The following NCOA7 variants were observed in gnomAD, a reference collection of about 807,000 sequenced individuals.
The protein encoded by NCOA7 is 140 kDa estrogen receptor-associated protein.
In NCOA7, 45 loss-of-function variants were observed where a neutral mutation model predicts 104.3. The ratio of observed to expected loss-of-function variants is 0.43; its 90% CI spans 0.34 to 0.55. NCOA7 has a LOEUF of 0.55. NCOA7 is among the 20% of genes least tolerant of loss of function. The pLI is 0.02. For synonymous variants in NCOA7, 398 were observed against 402.3 expected, an observed-to-expected ratio of 0.99 and a Z score of 0.13; for missense variants, 1,041 against 1,119.7, an observed-to-expected ratio of 0.93 and a Z score of 1.00.
chr6:125,911,349 C>T (rs1010961406), intron 10 of NCOA7, among the ~76,000 whole-genome samples: 62 of 152,324 alleles, frequency 4.1e-4, no homozygotes, highest in African/African-American at 1.4e-3. Flanking sequence ...TCAGCTTTTT[C>T]GCAACATGCC....
At chr6:125,919,531 G>C (rs1213846138) in intron 11 of NCOA7, 3 of 1,178,534 alleles carry the variant, frequency 2.5e-6, no homozygotes, top group Non-Finnish European at 3.7e-6. Context: ...AGAAAGGATT[G>C]TGCTGACATT....
chr6:125,838,604 G>A (rs145633992), intron 2 of NCOA7, among the ~76,000 whole-genome samples: 8 of 152,112 alleles, frequency 5.3e-5, no homozygotes, highest in Non-Finnish European at 1.2e-4. Flanking sequence ...CACTAGAGGT[G>A]TTCTCTGGTT....
At chr6:125,838,667 C>T (rs531857717) in intron 2 of NCOA7, among the ~76,000 whole-genome samples, 6 of 152,256 alleles carry the variant, frequency 3.9e-5, no homozygotes, top group Admixed American at 3.9e-4. Flanking sequence ...ACACTAACTT[C>T]TCAGAGTTAG....
At chr6:125,845,197 A>T (rs924759122) in intron 2 of NCOA7, among the ~76,000 whole-genome samples, 1 of 152,186 alleles carries the variant, frequency 6.6e-6, no homozygotes, top group Non-Finnish European at 1.5e-5. Context: ...TGCAATGACA[A>T]GGCTGCAGCC....
At chr6:125,894,404 A>T (rs1258030843) in intron 10 of NCOA7, among the ~76,000 whole-genome samples, 1 of 152,216 alleles carries the variant, frequency 6.6e-6, no homozygotes, top group Non-Finnish European at 1.5e-5. Context: ...TAGAGATTTC[A>T]CTACTGTCCC....
intron 14 of NCOA7, 52 bp from the exon 15 acceptor site, chr6:125,928,122 C>G: frequency 6.8e-7 from 1 of 1,475,790 alleles, no homozygotes; most frequent in Non-Finnish European, 9.4e-7. Flanking sequence ...TTCCTCATTG[C>G]TAATTCTCCA....
chr6:125,789,804 C>A (rs557786917), upstream of NCOA7, among the ~76,000 whole-genome samples: 34 of 152,326 alleles, frequency 2.2e-4, no homozygotes, highest in South Asian at 6.8e-3. Flanking sequence ...CGTCAACAAC[C>A]CAGAGGAGGC....
At chr6:125,827,448 C>T (rs965677958) in intron 2 of NCOA7, among the ~76,000 whole-genome samples, 1 of 152,046 alleles carries the variant, frequency 6.6e-6, no homozygotes, top group African/African-American at 2.4e-5. Context: ...AGAAGAACAT[C>T]AAATCCATAT....
At chr6:125,923,490 C>A (rs1329560285) in intron 13 of NCOA7, among the ~76,000 whole-genome samples, 1 of 152,192 alleles carries the variant, frequency 6.6e-6, no homozygotes, top group African/African-American at 2.4e-5. Flanking sequence ...GGAGTGGAAT[C>A]TGTCCAGGTT....
intron 2 of NCOA7, among the ~76,000 whole-genome samples, chr6:125,831,697 C>A (rs1046620491): frequency 4.6e-5 from 7 of 152,172 alleles, no homozygotes; most frequent in Non-Finnish European, 1.0e-4. Context: ...CCTGTTTTCT[C>A]TCTCTTACAG....
intron 2 of NCOA7, among the ~76,000 whole-genome samples, chr6:125,832,584 C>T (rs759493594): frequency 9.9e-5 from 15 of 152,192 alleles, no homozygotes; most frequent in Non-Finnish European, 2.2e-4. Context: ...GTCCATAAGG[C>T]CACAAATGAT....
At chr6:125,863,996 G>A (rs1782245510) in intron 3 of NCOA7, among the ~76,000 whole-genome samples, 1 of 134,102 alleles carries the variant, frequency 7.5e-6, no homozygotes, top group Admixed American at 6.9e-5. Context: ...ATTGATGGTT[G>A]AAGAGTGATG....
intron 10 of NCOA7, among the ~76,000 whole-genome samples, chr6:125,894,962 T>C (rs1784891249): frequency 1.3e-5 from 2 of 152,122 alleles, no homozygotes; most frequent in Non-Finnish European, 1.5e-5. Flanking sequence ...TTATGAAAAG[T>C]GATTGAAGAT....
chr6:125,830,704 GTCTC>G (rs1779089765), intron 2 of NCOA7, among the ~76,000 whole-genome samples: 1 of 150,384 alleles, frequency 6.6e-6, no homozygotes, highest in South Asian at 2.1e-4. Flanking sequence ...GAGGCCCTGT[GTCTC>G]TCTCTATATA....
intron 1 of NCOA7, among the ~76,000 whole-genome samples, chr6:125,808,601 C>T (rs749473972): frequency 1.3e-5 from 2 of 152,138 alleles, no homozygotes; most frequent in Non-Finnish European, 2.9e-5. Context: ...TACCAAACTG[C>T]CTTAAATGAT....
intron 10 of NCOA7, chr6:125,913,739 GAAACAA>G: frequency 2.5e-6 from 2 of 801,266 alleles, no homozygotes; most frequent in African/African-American, 1.9e-5. Flanking sequence ...TATAAAAAGG[GAAACAA>G]CAGCTCGGAA....
At chr6:125,916,993 A>G (rs1787142610) in intron 11 of NCOA7, among the ~76,000 whole-genome samples, 2 of 152,112 alleles carry the variant, frequency 1.3e-5, no homozygotes, top group African/African-American at 4.8e-5. Context: ...GATCTTACAT[A>G]TGGACTGTGG....
chr6:125,879,001 A>G (rs1783606275), intron 5 of NCOA7, among the ~76,000 whole-genome samples: 1 of 152,202 alleles, frequency 6.6e-6, no homozygotes, highest in Non-Finnish European at 1.5e-5. Context: ...ATTGAATCGC[A>G]ATCTATGTTA....
At chr6:125,881,500 T>C (rs1355859649) in intron 6 of NCOA7, among the ~76,000 whole-genome samples, 3 of 151,908 alleles carry the variant, frequency 2.0e-5, no homozygotes, top group Admixed American at 2.0e-4. Context: ...TGAGATTCTG[T>C]CTCTACGAAA....
Sources: allele counts gnomAD v4.1 joint callset (sites outside exome capture counted in the v4.1 genomes callset), GRCh38; gene constraint gnomAD v4.1.1; transcripts MANE v1.5; gene names NCBI Gene and HGNC (gene_info 2026-07-23, HGNC 2026-07-21).